Variants in NEK10 observed in about 807,000 individuals in gnomAD.
NEK10 encodes the protein NIMA related kinase 10.
NEK10 carries 122 observed loss-of-function variants against 159.8 expected under a neutral mutation model. The ratio of observed to expected loss-of-function variants is 0.76; its 90% CI spans 0.66 to 0.89. The LOEUF is 0.89. NEK10 is among the 40% of genes least tolerant of loss of function. The pLI is 0.00. For synonymous variants in NEK10, 466 were observed against 457.1 expected, an observed-to-expected ratio of 1.02 and a Z score of -0.25; for missense variants, 1,342 against 1,323.1, an observed-to-expected ratio of 1.01 and a Z score of -0.22.
At chr3:27,281,555 T>C (rs556598124) in intron 22 of NEK10, among the ~76,000 whole-genome samples, 1 of 150,900 alleles carries the variant, frequency 6.6e-6, no homozygotes, top group South Asian at 2.1e-4. Flanking sequence ...TGAGAATACA[T>C]ACACCAAGCC....
intron 23 of NEK10, among the ~76,000 whole-genome samples, chr3:27,207,621 C>T (rs6793827): frequency 0.24 from 35,725 of 151,926 alleles, 4,542 homozygotes; most frequent in Middle Eastern, 0.38. Context: ...ATAATATTTG[C>T]TTCACTAGGT....
intron 32 of NEK10, among the ~76,000 whole-genome samples, chr3:27,125,673 A>C (rs1941860341): frequency 1.3e-5 from 2 of 152,184 alleles, no homozygotes; most frequent in African/African-American, 4.8e-5. Flanking sequence ...ACACAAATGC[A>C]CATATGCATG....
At chr3:27,120,497 ATT>A (rs56343169) in intron 32 of NEK10, among the ~76,000 whole-genome samples, 1 of 143,374 alleles carries the variant, frequency 7.0e-6, no homozygotes, top group Non-Finnish European at 1.5e-5. Flanking sequence ...TAATTTTTGT[ATT>A]TTTTTTTTTT....
chr3:27,326,372 C>T (rs1476626313), intron 5 of NEK10, among the ~76,000 whole-genome samples: 3 of 152,088 alleles, frequency 2.0e-5, no homozygotes, highest in Non-Finnish European at 4.4e-5. Context: ...ATGTTGAATG[C>T]TAATTACTTT....
At chr3:27,129,166 G>A (rs1039396935) in intron 32 of NEK10, among the ~76,000 whole-genome samples, 4 of 152,068 alleles carry the variant, frequency 2.6e-5, no homozygotes, top group African/African-American at 9.7e-5. Context: ...TGAGCAGACT[G>A]GATTGAAGAC....
chr3:27,215,019 C>A lies in NEK10; in HGVS notation c.2091-12462G>T, dbSNP rs1407974279. Reference sequence around the variant, plus strand: ...ACTTCCGGCCAAGCTCCAACTCCGACCTGTTCCCCACCGGCGCCTCCAGCT... The same window carrying A: ...ACTTCCGGCCAAGCTCCAACTCCGAACTGTTCCCCACCGGCGCCTCCAGCT... On this transcript the variant is annotated intron_variant, in intron 23 of 35. Coordinates refer to ENST00000691995, the MANE Select transcript of NEK10 (RefSeq NM_001394966.1). 6.7e-5 allele frequency: 42 copies of A among 630,954 alleles called. 1 individual carries two copies. In the Admixed American group the frequency reaches 8.8e-4, roughly 13 times the overall value. 39.1% of individuals were successfully genotyped at this position (630,954 alleles called of 1,614,324 possible). A position where few individuals can be genotyped will look rare whatever the true frequency, so the allele number is the denominator to read the frequency against.
At chr3:27,364,277 C>T (rs1387321659) in intron 1 of NEK10, among the ~76,000 whole-genome samples, 5 of 151,818 alleles carry the variant, frequency 3.3e-5, no homozygotes, top group South Asian at 2.1e-4. Context: ...CAGGTTCAAG[C>T]GATAGCGATT....
At chr3:27,339,148 T>G (rs924312945) in intron 5 of NEK10, among the ~76,000 whole-genome samples, 1 of 152,224 alleles carries the variant, frequency 6.6e-6, no homozygotes, top group African/African-American at 2.4e-5. Flanking sequence ...CTGTTCACTC[T>G]GAGGATAGTC....
intron 14 of NEK10, 123 bp downstream of exon 14, chr3:27,297,056 A>C: frequency 3.5e-6 from 2 of 571,590 alleles, no homozygotes; most frequent in Non-Finnish European, 6.4e-6. Context: ...AGAAATGTTA[A>C]AATAGTTTTA....
intron 29 of NEK10, among the ~76,000 whole-genome samples, chr3:27,167,119 G>A (rs774767431): frequency 2.0e-5 from 3 of 152,042 alleles, no homozygotes; most frequent in Non-Finnish European, 2.9e-5. Context: ...GGTGACAGAA[G>A]GCAAGCAGAC....
At chr3:27,214,022 C>T (rs1031731203) in intron 23 of NEK10, among the ~76,000 whole-genome samples, 4 of 152,214 alleles carry the variant, frequency 2.6e-5, no homozygotes, top group African/African-American at 9.6e-5. Context: ...ACTTCATCTA[C>T]ATGATAAGAA....
At position 27,109,000 on chromosome 3, in the gene NEK10, G is replaced by T. The variant is rs1939248556; in HGVS notation, c.*2272C>A. Among the ~76,000 whole-genome samples the T allele has an allele frequency of 6.6e-6, 1 of 152,194 alleles. No homozygotes were observed. The highest frequency in any genetic ancestry group is 2.4e-5 in the African/African-American group (1 of 41,448). ...TCCACATAGAGTTGATAGGCCTGAA[G>T]CTGTTGTTAAAAAGGACAGCTTCTG... On this transcript the variant is annotated 3_prime_UTR_variant, in exon 36 of 36. Transcript: ENST00000691995.
At chr3:27,254,504 T>C (rs1416552178) in intron 23 of NEK10, among the ~76,000 whole-genome samples, 1 of 152,178 alleles carries the variant, frequency 6.6e-6, no homozygotes, top group Non-Finnish European at 1.5e-5. Context: ...AAACACAATA[T>C]GATGTAGGAC....
intron 1 of NEK10, among the ~76,000 whole-genome samples, chr3:27,356,319 C>G (rs2048323452): frequency 6.6e-6 from 1 of 152,114 alleles, no homozygotes; most frequent in Admixed American, 6.5e-5. Context: ...TGAAACCACC[C>G]TGGGCAACAT....
intron 23 of NEK10, among the ~76,000 whole-genome samples, chr3:27,219,055 T>C (rs1463696160): frequency 2.6e-5 from 4 of 152,226 alleles, no homozygotes; most frequent in African/African-American, 9.7e-5. Context: ...CTTAGAAAAT[T>C]TATAATTGTT....
rs1188615651 is a variant in NEK10, at chr3:27,192,254, T to C, written c.2292-12A>G. The stretch of plus-strand genomic sequence containing the variant: ...CAGGAGTGAGGCACCTAAGATAACA[T>C]GAGATAATTATAACACTCTGGTCAA... On this transcript the variant is annotated splice_polypyrimidine_tract_variant and intron_variant, in intron 25 of 35. Transcript: ENST00000691995. 1 of 1,603,078 alleles carries C rather than the reference T, an allele frequency of 6.2e-7. No individual in the cohort carries two copies. The highest frequency in any genetic ancestry group is 1.7e-4 in the Middle Eastern group (1 of 5,980).
chr3:27,151,966 G>A (rs1348806313), intron 30 of NEK10, among the ~76,000 whole-genome samples: 1 of 152,038 alleles, frequency 6.6e-6, no homozygotes, highest in African/African-American at 2.4e-5. Context: ...AAGAAAATAT[G>A]AACAAAGCCT....
intron 4 of NEK10, among the ~76,000 whole-genome samples, chr3:27,344,792 C>T (rs1055953550): frequency 2.6e-5 from 4 of 152,116 alleles, no homozygotes; most frequent in African/African-American, 7.2e-5. Flanking sequence ...ACCCTCGACC[C>T]CACTGGCTGA....
At chr3:27,202,192 C>A (rs192327158) in intron 24 of NEK10, among the ~76,000 whole-genome samples, 1 of 151,402 alleles carries the variant, frequency 6.6e-6, no homozygotes, top group South Asian at 2.1e-4. Flanking sequence ...GAAGACCAAA[C>A]GTCTTTTTAA....
Sources: allele counts gnomAD v4.1 joint callset (sites outside exome capture counted in the v4.1 genomes callset), GRCh38; gene constraint gnomAD v4.1.1; transcripts MANE v1.5; gene names NCBI Gene and HGNC (gene_info 2026-07-23, HGNC 2026-07-21).